Variants in SMC1A observed in about 807,000 individuals in gnomAD.
The protein encoded by SMC1A is structural maintenance of chromosomes 1A.
SMC1A carries 4 observed loss-of-function variants against 94.5 expected under a neutral mutation model. That is an observed-to-expected ratio of 0.04 (90% CI 0.02 to 0.10). SMC1A has a LOEUF of 0.10. Among genes scored for constraint, SMC1A ranks in the 10% least tolerant of loss-of-function variants. The pLI, the probability that SMC1A is intolerant of heterozygous loss-of-function variation, is 1.00. For missense variants in SMC1A, 304 were observed against 989.0 expected (o/e 0.31, Z 9.29); for synonymous variants, 345 against 347.7 (o/e 0.99, Z 0.09).
intron 19 of SMC1A, among the ~76,000 whole-genome samples, chrX:53,392,953 C>T (rs1242908337): frequency 1.8e-5 from 2 of 112,154 alleles, no homozygotes; most frequent in East Asian, 5.6e-4. Context: ...GTGTTTCAAT[C>T]ATCATATTCA....
At chrX:53,395,781 T>C (rs950579321) in intron 18 of SMC1A, among the ~76,000 whole-genome samples, 1 of 111,008 alleles carries the variant, frequency 9.0e-6, no homozygotes, top group Non-Finnish European at 1.9e-5. Flanking sequence ...GTCCCTTACC[T>C]AACCCTCTCC....
intron 19 of SMC1A, among the ~76,000 whole-genome samples, chrX:53,390,642 A>T (rs1361135142): frequency 9.1e-6 from 1 of 110,483 alleles, no homozygotes; most frequent in Non-Finnish European, 1.9e-5. Context: ...AATAACAACA[A>T]AAAAATAAAC....
intron 1 of SMC1A, among the ~76,000 whole-genome samples, chrX:53,419,107 A>C (rs1185178562): frequency 2.8e-5 from 3 of 107,889 alleles, no homozygotes; most frequent in Non-Finnish European, 5.7e-5. Flanking sequence ...TTTAGTCTCT[A>C]TAATTTCTAT....
Position 53,395,552 on chromosome X carries a change from C to A in SMC1A, c.2863-664G>T, listed in dbSNP as rs143524133. Among the ~76,000 whole-genome samples, 863 of 111,159 alleles carry A rather than the reference C, an allele frequency of 7.8e-3. 11 individuals are homozygous for A. The highest frequency in any genetic ancestry group is 0.027 in the African/African-American group (816 of 30,558). ...CATTTCTGGTATTCAAAATATTTTA[C>A]TGAATTAAACTGAAATGCCATTTGG... is the stretch of plus-strand genomic sequence containing the variant. On this transcript the variant is annotated intron_variant, in intron 18 of 24. Transcript: ENST00000322213.
chrX:53,400,482 C>A (rs1053910762), intron 15 of SMC1A, among the ~76,000 whole-genome samples: 1 of 111,414 alleles, frequency 9.0e-6, no homozygotes, highest in Admixed American at 9.6e-5. Context: ...TCCTTAGAAC[C>A]ACACCGAGTC....
At chrX:53,394,752 A>AACCCC in intron 19 of SMC1A, 26 bp downstream of exon 19, 1 of 206,428 alleles carries the variant, frequency 4.8e-6, no homozygotes, top group South Asian at 5.3e-5. Context: ...CCCCACCCCC[A>AACCCC]CCACACCCCT....
chrX:53,411,983 T>C lies in SMC1A; in HGVS notation c.1113+12A>G, dbSNP rs1556890581. ...AGGGATCTCCTCCCTGCCAACCCCT[T>C]CCAGAGCTTACCTGATTCTCCTCCA... is the stretch of plus-strand genomic sequence containing the variant. On this transcript the variant is annotated intron_variant, in intron 6 of 24. Coordinates refer to ENST00000322213, the MANE Select transcript of SMC1A (RefSeq NM_006306.4). 8.3e-7 allele frequency: 1 copy of C among 1,211,521 alleles called. No individual in the cohort carries two copies. Among genetic ancestry groups the C allele is most frequent in the African/African-American group, 1.7e-5 (1 of 57,759 alleles).
At chrX:53,412,805 G>T (rs1184461521) in intron 5 of SMC1A, 95 bp downstream of exon 5, 5 of 1,168,361 alleles carry the variant, frequency 4.3e-6, no homozygotes, top group Non-Finnish European at 5.8e-6. Context: ...ACAGAGAAAT[G>T]AGTATAGGTA....
At chrX:53,418,541 C>A (rs2075741153) in intron 1 of SMC1A, among the ~76,000 whole-genome samples, 1 of 112,322 alleles carries the variant, frequency 8.9e-6, no homozygotes, top group Admixed American at 9.4e-5. Context: ...CTCAAGTGAT[C>A]CTCCTGTCTC....
intron 3 of SMC1A, among the ~76,000 whole-genome samples, chrX:53,413,687 G>A (rs1249982138): frequency 2.7e-5 from 3 of 111,731 alleles, no homozygotes; most frequent in African/African-American, 6.5e-5. Context: ...AAGCTTGGGG[G>A]TAGGAGACTG....
intron 1 of SMC1A, chrX:53,421,981 T>C (rs1556892148): frequency 1.7e-6 from 2 of 1,207,945 alleles, no homozygotes; most frequent in Admixed American, 4.4e-5. Flanking sequence ...AAGTGCCGCC[T>C]CCAGAGAAGA....
chrX:53,422,114 G>T lies in SMC1A; in HGVS notation c.109+378C>A, dbSNP rs1228225342. The stretch of plus-strand genomic sequence containing the variant: ...CAGCGTCCCCACATTCTCCGGAGGG[G>T]GTCAAGTAAGGCTGGGAAGCCGGCT... On this transcript the variant is annotated intron_variant, in intron 1 of 24. Transcript: ENST00000322213. The T allele has an allele frequency of 1.4e-5, 15 of 1,085,301 alleles. No homozygotes were observed. The East Asian group carries it at 3.7e-4, about 27-fold the overall frequency. 89.4% of individuals were successfully genotyped at this position (1,085,301 alleles called of 1,213,427 possible).
intron 19 of SMC1A, among the ~76,000 whole-genome samples, chrX:53,388,016 G>A (rs2075612014): frequency 9.0e-6 from 1 of 111,544 alleles, no homozygotes; most frequent in African/African-American, 3.3e-5. Context: ...ATGAGAGGAA[G>A]TCTCTCTTTA....
chrX:53,384,121 T>C (rs782019975), intron 19 of SMC1A, among the ~76,000 whole-genome samples: 22 of 111,241 alleles, frequency 2.0e-4, no homozygotes, highest in Non-Finnish European at 3.6e-4. Context: ...CACTAGTGTA[T>C]AGAATATGTG....
At chrX:53,411,035 C>T (rs1556890463) in intron 7 of SMC1A, among the ~76,000 whole-genome samples, 3 of 106,967 alleles carry the variant, frequency 2.8e-5, no homozygotes, top group African/African-American at 1.0e-4. Flanking sequence ...GTCGAAGCTG[C>T]AGTGAGCCAT....
chrX:53,390,361 G>A (rs1379196022), intron 19 of SMC1A, among the ~76,000 whole-genome samples: 2 of 107,942 alleles, frequency 1.9e-5, no homozygotes, highest in Admixed American at 2.0e-4. Flanking sequence ...GGTGGTGGGC[G>A]CCTGTAATCC....
intron 15 of SMC1A, among the ~76,000 whole-genome samples, chrX:53,399,989 C>T (rs1435639759): frequency 9.0e-6 from 1 of 111,185 alleles, no homozygotes; most frequent in African/African-American, 3.3e-5. Flanking sequence ...TTATTTATCC[C>T]CCTTTAAACA....
chrX:53,421,934 G>A lies in SMC1A; in HGVS notation c.109+558C>T, dbSNP rs369163595. 6.6e-6 allele frequency: 8 copies of A among 1,207,838 alleles called. No homozygotes were observed. The African/African-American group carries it at 1.4e-4, about 21-fold the overall frequency. On this transcript the variant is annotated intron_variant, in intron 1 of 24. Transcript: ENST00000322213. ...TGGGGGGTGGGGATCGACACCTCAAGCATTCTAAAGACTGGAGCGCTGGGT... is the reference window on the plus strand; with the variant it reads ...TGGGGGGTGGGGATCGACACCTCAAACATTCTAAAGACTGGAGCGCTGGGT...
At chrX:53,381,233 A>G in intron 22 of SMC1A, 146 bp from the exon 23 acceptor site, 2 of 443,969 alleles carry the variant, frequency 4.5e-6, no homozygotes, top group Non-Finnish European at 3.9e-6. Flanking sequence ...AAGTTGCCTG[A>G]GCCCCTGAAA....
Sources: allele counts gnomAD v4.1 joint callset (sites outside exome capture counted in the v4.1 genomes callset), GRCh38; gene constraint gnomAD v4.1.1; transcripts MANE v1.5; gene names NCBI Gene and HGNC (gene_info 2026-07-23, HGNC 2026-07-21).